The following HGD variants were observed in gnomAD, a reference collection of about 807,000 sequenced individuals.
The protein encoded by HGD is homogentisate oxidase.
HGD carries 61 observed loss-of-function variants against 60.8 expected under a neutral mutation model. That is an observed-to-expected ratio of 1.00 (90% CI 0.82 to 1.24). The LOEUF (loss-of-function observed/expected upper bound fraction) is 1.24. HGD is among the 50% of genes most tolerant of loss of function. The pLI is 0.00. For synonymous variants in HGD, 212 were observed against 187.7 expected (o/e 1.13, Z -1.06); for missense variants, 542 against 547.1 (o/e 0.99, Z 0.09).
intron 3 of HGD, among the ~76,000 whole-genome samples, chr3:120,673,754 C>T (rs1708071199): frequency 6.6e-6 from 1 of 152,192 alleles, no homozygotes; most frequent in Non-Finnish European, 1.5e-5. Flanking sequence ...TGATAGTTAT[C>T]ATGACAATAA....
intron 4 of HGD, among the ~76,000 whole-genome samples, chr3:120,659,631 T>C (rs1437617040): frequency 6.6e-6 from 1 of 152,200 alleles, no homozygotes; most frequent in Non-Finnish European, 1.5e-5. Flanking sequence ...TTCTGAGCCC[T>C]CCACACTCTT....
chr3:120,661,700 T>G (rs887331146), intron 4 of HGD, among the ~76,000 whole-genome samples: 1 of 152,120 alleles, frequency 6.6e-6, no homozygotes, highest in Non-Finnish European at 1.5e-5. Flanking sequence ...AGAAGTGAAA[T>G]GTAAGTTGAT....
intron 7 of HGD, 98 bp downstream of exon 7, chr3:120,647,779 A>T: frequency 1.0e-6 from 1 of 1,001,536 alleles, no homozygotes; most frequent in South Asian, 1.3e-5. Flanking sequence ...AATAAGACAG[A>T]TTGGAGAATG....
At chr3:120,638,921 A>G (rs759963925) in intron 11 of HGD, among the ~76,000 whole-genome samples, 5 of 152,092 alleles carry the variant, frequency 3.3e-5, no homozygotes, top group Non-Finnish European at 7.4e-5. Flanking sequence ...TGCTGTTCTC[A>G]TGATAGTGAA....
chr3:120,669,446 T>TGCGC (rs549495532), intron 4 of HGD, among the ~76,000 whole-genome samples: 36 of 101,922 alleles, frequency 3.5e-4, no homozygotes, highest in African/African-American at 1.3e-3. Flanking sequence ...TGTGCGCATG[T>TGCGC]GCACACACAC....
chr3:120,630,349 G>A (rs1940545546), intron 13 of HGD, among the ~76,000 whole-genome samples: 1 of 152,070 alleles, frequency 6.6e-6, no homozygotes, highest in South Asian at 2.1e-4. Flanking sequence ...AAAGCAGGAG[G>A]CATCATGCTA....
chr3:120,675,989 A>G (rs1708123284), intron 1 of HGD, 126 bp from the exon 2 acceptor site: 2 of 755,666 alleles, frequency 2.6e-6, no homozygotes, highest in Non-Finnish European at 4.9e-6. Context: ...TCCACATATA[A>G]TATCTTTACT....
At chr3:120,658,405 TC>T (rs1941564788) in intron 4 of HGD, among the ~76,000 whole-genome samples, 1 of 152,160 alleles carries the variant, frequency 6.6e-6, no homozygotes, top group Admixed American at 6.5e-5. Context: ...CAAAAAAATC[TC>T]CTTTGACCTA....
chr3:120,644,295 T>C, intron 10 of HGD, 24 bp downstream of exon 10: 1 of 1,613,658 alleles, frequency 6.2e-7, no homozygotes, highest in Non-Finnish European at 8.5e-7. Context: ...TTTCCTCCCT[T>C]GCCTGCCAAC....
At chr3:120,678,659 TGAATCC>T (rs1230853682) in intron 1 of HGD, among the ~76,000 whole-genome samples, 2 of 152,222 alleles carry the variant, frequency 1.3e-5, no homozygotes, top group African/African-American at 4.8e-5. Flanking sequence ...GTGTGAGTTC[TGAATCC>T]GTTTCTCAAT....
chr3:120,645,820 A>C (rs1217143884), intron 9 of HGD, among the ~76,000 whole-genome samples: 1 of 152,190 alleles, frequency 6.6e-6, no homozygotes, highest in African/African-American at 2.4e-5. Flanking sequence ...CTTAACAAAA[A>C]TATCTTCCTC....
chr3:120,681,181 C>A (rs1205901324), intron 1 of HGD, among the ~76,000 whole-genome samples: 1 of 152,210 alleles, frequency 6.6e-6, no homozygotes, highest in Non-Finnish European at 1.5e-5. Context: ...GGCATTAGGG[C>A]ACTTCTCAAA....
At chr3:120,656,134 A>T (rs2551600) in intron 4 of HGD, among the ~76,000 whole-genome samples, 1 of 152,196 alleles carries the variant, frequency 6.6e-6, no homozygotes, top group Non-Finnish European at 1.5e-5. Context: ...CTCAGAGGAT[A>T]GGCTATGTGA....
chr3:120,682,218 C>T lies in HGD; in HGVS notation c.-107G>A. ...ACCACTCTTTGGATATTCCGGTTCC[C>T]ACTGCTTCACTGCGCTTCACTGGTC... is the stretch of plus-strand genomic sequence containing the variant. On this transcript the variant is annotated 5_prime_UTR_variant, in exon 1 of 14. Coordinates refer to ENST00000283871, the MANE Select transcript of HGD (RefSeq NM_000187.4). 2 of 1,048,746 alleles carry T rather than the reference C, an allele frequency of 1.9e-6. No individual in the cohort carries two copies. Among genetic ancestry groups the T allele is most frequent in the East Asian group, 4.7e-5 (2 of 42,286 alleles). The allele number at this position is 1,048,746 out of a possible 1,614,324, so 65.0% of individuals were successfully genotyped here.
chr3:120,654,071 T>C (rs1941422745), intron 4 of HGD, among the ~76,000 whole-genome samples: 1 of 152,194 alleles, frequency 6.6e-6, no homozygotes, highest in South Asian at 2.1e-4. Flanking sequence ...CTGGATTTTT[T>C]AGGGGAAGTT....
intron 13 of HGD, among the ~76,000 whole-genome samples, chr3:120,631,322 T>C (rs1412961753): frequency 6.6e-6 from 1 of 152,124 alleles, no homozygotes; most frequent in Non-Finnish European, 1.5e-5. Flanking sequence ...CAATAAAAAT[T>C]TAATTGCACA....
At chr3:120,638,301 T>C (rs1276904637) in intron 12 of HGD, among the ~76,000 whole-genome samples, 154 bp downstream of exon 12, 5 of 152,138 alleles carry the variant, frequency 3.3e-5, no homozygotes, top group Non-Finnish European at 5.9e-5. Flanking sequence ...AGATTAAAGC[T>C]TGGGGATCAG....
chr3:120,677,442 A>G lies in HGD; in HGVS notation c.16-1579T>C, dbSNP rs188478103. Among the ~76,000 whole-genome samples, 587 of 152,248 alleles carry G rather than the reference A, an allele frequency of 3.9e-3. 4 individuals carry two copies. The highest frequency in any genetic ancestry group is 0.013 in the African/African-American group (550 of 41,534). ...GGTGCGCCTGTCTCTTATGGTCGAGACTGCAGGGGTGAAATAGACCCCAGT... is the reference window on the plus strand; with the variant it reads ...GGTGCGCCTGTCTCTTATGGTCGAGGCTGCAGGGGTGAAATAGACCCCAGT... On this transcript the variant is annotated intron_variant, in intron 1 of 13. Transcript: ENST00000283871.
intron 4 of HGD, among the ~76,000 whole-genome samples, chr3:120,666,963 G>A (rs1289648825): frequency 3.3e-5 from 5 of 152,048 alleles, no homozygotes; most frequent in Non-Finnish European, 7.4e-5. Flanking sequence ...GATGGGAGAC[G>A]TCCAGTAATA....
Sources: gnomAD v4.1 joint callset for allele counts (sites outside exome capture counted in the v4.1 genomes callset) on GRCh38, gnomAD v4.1.1 for gene constraint, MANE v1.5 for transcripts, NCBI Gene and HGNC (gene_info 2026-07-23, HGNC 2026-07-21) for gene names.